The following ZNF827 variants were observed in gnomAD, a reference collection of about 807,000 sequenced individuals.
ZNF827 encodes the protein zinc finger protein 827.
Under a neutral mutation model 102.4 loss-of-function variants are expected in ZNF827, and 13 were observed. The observed-to-expected ratio is 0.13, with a 90% CI of 0.08 to 0.20. The LOEUF (loss-of-function observed/expected upper bound fraction) is 0.20. Ranked by LOEUF, ZNF827 falls within the 10% of genes least tolerant of loss-of-function variation. The probability of loss-of-function intolerance (pLI) is 1.00; values close to 1 mark genes in which losing one functional copy is unlikely to be tolerated. For missense variants in ZNF827, 1,103 were observed against 1,344.4 expected (o/e 0.82, Z 2.81); for synonymous variants, 523 against 536.2 (o/e 0.98, Z 0.34).
intron 8 of ZNF827, among the ~76,000 whole-genome samples, chr4:145,779,797 C>T (rs926861402): frequency 3.3e-5 from 5 of 152,194 alleles, no homozygotes; most frequent in African/African-American, 7.2e-5. Context: ...TAGCACTGTG[C>T]CCAGTATACA....
At chr4:145,901,232 C>CATAG (rs1439837249) in intron 2 of ZNF827, among the ~76,000 whole-genome samples, 7 of 152,304 alleles carry the variant, frequency 4.6e-5, no homozygotes, top group Admixed American at 1.3e-4. Flanking sequence ...TGAGGATGCA[C>CATAG]ATAGCCTACT....
intron 1 of ZNF827, among the ~76,000 whole-genome samples, chr4:145,938,101 AG>A (rs1347543542): frequency 1.3e-5 from 2 of 148,900 alleles, no homozygotes; most frequent in Non-Finnish European, 3.0e-5. Flanking sequence ...GGGAAAAAAA[AG>A]CCCGATCTCA....
At chr4:145,882,137 C>A (rs556926817) in intron 4 of ZNF827, among the ~76,000 whole-genome samples, 5 of 152,118 alleles carry the variant, frequency 3.3e-5, no homozygotes, top group Non-Finnish European at 5.9e-5. Flanking sequence ...TCTCCGCAGT[C>A]GGGTGAACAC....
intron 8 of ZNF827, among the ~76,000 whole-genome samples, chr4:145,787,448 T>A (rs1579185339): frequency 1.5e-5 from 2 of 130,036 alleles, no homozygotes; most frequent in African/African-American, 5.9e-5. Flanking sequence ...GGTGACAGAG[T>A]GAGACTCCGT....
intron 8 of ZNF827, among the ~76,000 whole-genome samples, chr4:145,799,540 T>C (rs187975419): frequency 3.7e-4 from 57 of 152,362 alleles, no homozygotes; most frequent in Non-Finnish European, 7.2e-4. Flanking sequence ...AACCAGTCTT[T>C]GGTTTAACCT....
In ZNF827 at chr4:145,918,413, T is replaced by TA. The variant is rs1372163279; in HGVS notation, c.44-15199dup. On this transcript the variant is annotated intron_variant, in intron 1 of 14. Transcript: ENST00000508784. The stretch of plus-strand genomic sequence containing the variant: ...CCAGAACAGGTACTTTTTCTTTATA[T>TA]ATAAAAAAAAAAAGCGGAATGGTGC... Among the ~76,000 whole-genome samples the TA allele has an allele frequency of 1.8e-3, 157 of 87,596 alleles. 1 individual carries two copies. In the East Asian group the frequency reaches 0.023, roughly 13 times the overall value. 57.5% of individuals were successfully genotyped at this position (87,596 alleles called of 152,430 possible).
intron 4 of ZNF827, among the ~76,000 whole-genome samples, chr4:145,875,687 CTTCAG>C (rs1335542684): frequency 6.6e-6 from 1 of 152,116 alleles, no homozygotes; most frequent in African/African-American, 2.4e-5. Flanking sequence ...CAGAACTCTC[CTTCAG>C]TTCAACGTAT....
chr4:145,844,688 AT>A (rs1745757394), intron 7 of ZNF827, among the ~76,000 whole-genome samples: 5 of 88,400 alleles, frequency 5.7e-5, no homozygotes, highest in African/African-American at 2.0e-4. Flanking sequence ...AAATAAATAA[AT>A]AAATAAATAA....
At chr4:145,836,071 C>T (rs1034114007) in intron 7 of ZNF827, among the ~76,000 whole-genome samples, 2 of 152,032 alleles carry the variant, frequency 1.3e-5, no homozygotes, top group African/African-American at 4.8e-5. Flanking sequence ...CTGACCCTGA[C>T]ACTCATCAAG....
At chr4:145,803,598 C>T (rs1371116995) in intron 8 of ZNF827, among the ~76,000 whole-genome samples, 2 of 152,222 alleles carry the variant, frequency 1.3e-5, no homozygotes, top group Non-Finnish European at 2.9e-5. Context: ...ACATCAACCA[C>T]ACAATCTGAC....
At chr4:145,869,138 A>G (rs989730596) in intron 5 of ZNF827, among the ~76,000 whole-genome samples, 1 of 152,254 alleles carries the variant, frequency 6.6e-6, no homozygotes, top group Non-Finnish European at 1.5e-5. Context: ...TGCTTTATTT[A>G]TAACAAATCA....
intron 1 of ZNF827, among the ~76,000 whole-genome samples, chr4:145,927,897 C>T (rs1753547961): frequency 6.6e-6 from 1 of 152,194 alleles, no homozygotes; most frequent in Non-Finnish European, 1.5e-5. Flanking sequence ...GTACTGTTTT[C>T]CGTTTTACAT....
At chr4:145,929,427 T>C (rs1439536053) in intron 1 of ZNF827, among the ~76,000 whole-genome samples, 1 of 152,226 alleles carries the variant, frequency 6.6e-6, no homozygotes, top group Non-Finnish European at 1.5e-5. Flanking sequence ...TTTAGTATCC[T>C]CACTTTATAG....
chr4:145,804,704 G>A (rs758894028), intron 8 of ZNF827, among the ~76,000 whole-genome samples: 3 of 152,126 alleles, frequency 2.0e-5, no homozygotes, highest in African/African-American at 7.2e-5. Context: ...GGTTTTTGAT[G>A]ATTTAATATT....
chr4:145,877,071 T>A (rs1749208611), intron 4 of ZNF827, among the ~76,000 whole-genome samples: 1 of 152,210 alleles, frequency 6.6e-6, no homozygotes, highest in Non-Finnish European at 1.5e-5. Context: ...CTTGGCTTTT[T>A]AAATATGTAA....
At chr4:145,861,286 CCT>C (rs772778973) in intron 5 of ZNF827, among the ~76,000 whole-genome samples, 6 of 152,230 alleles carry the variant, frequency 3.9e-5, no homozygotes, top group Admixed American at 6.5e-5. Context: ...TTAAGCTCTC[CCT>C]CACAAGACTA....
intron 8 of ZNF827, among the ~76,000 whole-genome samples, chr4:145,780,712 C>T (rs888373677): frequency 4.6e-5 from 7 of 152,202 alleles, no homozygotes; most frequent in African/African-American, 1.7e-4. Flanking sequence ...TAAAAGGACA[C>T]TTGAATGGGC....
intron 1 of ZNF827, among the ~76,000 whole-genome samples, chr4:145,933,030 G>A (rs1753927006): frequency 6.6e-6 from 1 of 152,196 alleles, no homozygotes; most frequent in Admixed American, 6.5e-5. Context: ...AACACTTTGT[G>A]CAGCAAGACT....
intron 2 of ZNF827, among the ~76,000 whole-genome samples, chr4:145,901,850 C>T (rs1352924340): frequency 6.6e-6 from 1 of 151,924 alleles, no homozygotes; most frequent in African/African-American, 2.4e-5. Flanking sequence ...TTGATCTTCT[C>T]CCATTAAATA....
Sources: allele counts gnomAD v4.1 joint callset (sites outside exome capture counted in the v4.1 genomes callset), GRCh38; gene constraint gnomAD v4.1.1; transcripts MANE v1.5; gene names NCBI Gene and HGNC (gene_info 2026-07-23, HGNC 2026-07-21).